The following FBXW7 variants were observed in gnomAD, a reference collection of about 807,000 sequenced individuals.
FBXW7 encodes F-box/WD repeat-containing protein 7.
A neutral mutation model predicts 86.3 loss-of-function variants in FBXW7; 11 were observed. That is an observed-to-expected ratio of 0.13 (90% CI 0.08 to 0.21). FBXW7 has a LOEUF of 0.21. Among genes scored for constraint, FBXW7 ranks in the 10% least tolerant of loss-of-function variants. The pLI, the probability that FBXW7 is intolerant of heterozygous loss-of-function variation, is 1.00. For missense variants in FBXW7, 488 were observed against 847.4 expected, an observed-to-expected ratio of 0.58 and a Z score of 5.27; for synonymous variants, 313 against 297.9, an observed-to-expected ratio of 1.05 and a Z score of -0.52.
intron 4 of FBXW7, among the ~76,000 whole-genome samples, chr4:152,364,200 G>C (rs1473646929): frequency 2.0e-5 from 3 of 152,146 alleles, no homozygotes; most frequent in African/African-American, 7.2e-5. Context: ...ATTGAGGCCA[G>C]GCAGTCATCA....
chr4:152,468,879 C>T lies in FBXW7; in HGVS notation c.-119-56350G>A, dbSNP rs1743691608. 3.3e-5 allele frequency among the ~76,000 whole-genome samples: 5 copies of T among 152,066 alleles called. No individual in the cohort carries two copies. In the South Asian group the frequency reaches 1.0e-3, roughly 32 times the overall value. On this transcript the variant is annotated intron_variant, in intron 2 of 13. Coordinates refer to ENST00000281708, the MANE Select transcript of FBXW7 (RefSeq NM_001349798.2). ...AATGACAATAAGTTACTCTTTTGTA[C>T]TTAATACAACTCCAGAAATCAGTTA... is the stretch of plus-strand genomic sequence containing the variant.
At position 152,462,400 on chromosome 4, in the gene FBXW7, C is replaced by A. The variant is rs548179590; in HGVS notation, c.-119-49871G>T. Reference sequence around the variant, plus strand: ...GGAGCAGATTCCGCTCTTGTTTCTGCCTGTTTTTACACTGGGTCCCCTGGG... The same window carrying A: ...GGAGCAGATTCCGCTCTTGTTTCTGACTGTTTTTACACTGGGTCCCCTGGG... On this transcript the variant is annotated intron_variant, in intron 2 of 13. Coordinates refer to ENST00000281708, the MANE Select transcript of FBXW7 (RefSeq NM_001349798.2). Among the ~76,000 whole-genome samples, 19 of 152,316 alleles carry A rather than the reference C, an allele frequency of 1.2e-4. No individual in the cohort carries two copies. In the East Asian group the frequency reaches 3.7e-3, roughly 29 times the overall value.
At chr4:152,424,850 T>TTATATGTAAATGATATGTACTC (rs1739241711) in intron 2 of FBXW7, among the ~76,000 whole-genome samples, 1 of 152,314 alleles carries the variant, frequency 6.6e-6, no homozygotes, top group South Asian at 2.1e-4. Flanking sequence ...CTAGGCAAAT[T>TTATATGTAAATGATATGTACTC]AAGACTTCTT....
intron 4 of FBXW7, among the ~76,000 whole-genome samples, chr4:152,408,298 T>C (rs1737611447): frequency 6.6e-6 from 1 of 152,190 alleles, no homozygotes; most frequent in South Asian, 2.1e-4. Flanking sequence ...ATAAAATATG[T>C]CAAAGATTCT....
intron 4 of FBXW7, among the ~76,000 whole-genome samples, chr4:152,362,567 T>C (rs975413049): frequency 6.6e-6 from 1 of 152,032 alleles, no homozygotes; most frequent in Non-Finnish European, 1.5e-5. Context: ...TCCCAGCACT[T>C]TGGGAGGCTG....
chr4:152,533,207 C>T (rs1279326581), intron 2 of FBXW7, among the ~76,000 whole-genome samples: 2 of 151,738 alleles, frequency 1.3e-5, no homozygotes, highest in East Asian at 1.9e-4. Flanking sequence ...AAAAAAATAC[C>T]GTAATTTTTA....
chr4:152,389,375 T>A (rs1735807600), intron 4 of FBXW7, among the ~76,000 whole-genome samples: 1 of 152,072 alleles, frequency 6.6e-6, no homozygotes, highest in Non-Finnish European at 1.5e-5. Flanking sequence ...TCAACTATGA[T>A]AACTAACCCA....
chr4:152,357,689 G>A (rs942315955), intron 4 of FBXW7, among the ~76,000 whole-genome samples: 9 of 152,242 alleles, frequency 5.9e-5, no homozygotes, highest in African/African-American at 2.2e-4. Flanking sequence ...TCTGATTAGT[G>A]TGACACACTA....
At chr4:152,383,463 GTTAA>G (rs1303383189) in intron 4 of FBXW7, among the ~76,000 whole-genome samples, 14 of 152,268 alleles carry the variant, frequency 9.2e-5, no homozygotes, top group African/African-American at 2.6e-4. Flanking sequence ...TTGTGCAAGT[GTTAA>G]TTAATCTTTA....
rs1728596497 is a variant in FBXW7, at chr4:152,322,038, G to C, written c.*843C>G. 1 of 232,338 alleles carries C rather than the reference G, an allele frequency of 4.3e-6. No individual in the cohort carries two copies. The highest frequency in any genetic ancestry group is 2.2e-5 in the African/African-American group (1 of 45,142). 14.4% of individuals were successfully genotyped at this position (232,338 alleles called of 1,614,324 possible). A position where few individuals can be genotyped will look rare whatever the true frequency, so the allele number is the denominator to read the frequency against. On this transcript the variant is annotated 3_prime_UTR_variant, in exon 14 of 14. Transcript: ENST00000281708. ...TTCAGTCTGGGACTAAAACGTCACA[G>C]CAGAAAAAAAATAAAAAAAAATAAT...
At chr4:152,365,176 C>T (rs556554038) in intron 4 of FBXW7, among the ~76,000 whole-genome samples, 1 of 152,154 alleles carries the variant, frequency 6.6e-6, no homozygotes, top group Admixed American at 6.6e-5. Context: ...GGGATAACCA[C>T]CTATAGCTAG....
chr4:152,374,890 G>C lies in FBXW7; in HGVS notation c.502-24766C>G, dbSNP rs182987898. On this transcript the variant is annotated intron_variant, in intron 4 of 13. Transcript: ENST00000281708. ...TACCAAATAGACTAGTTACAGGAGG[G>C]GGGGGGATGATGCTGGCTTTTAAAA... Among the ~76,000 whole-genome samples, 358 of 152,102 alleles carry C rather than the reference G, an allele frequency of 2.4e-3. 3 individuals carry two copies. The highest frequency in any genetic ancestry group is 2.3e-3 in the East Asian group (12 of 5,174).
intron 10 of FBXW7, chr4:152,328,623 C>T: frequency 3.1e-6 from 1 of 318,468 alleles, no homozygotes; most frequent in Non-Finnish European, 5.7e-6. Flanking sequence ...AGAAAGCAAA[C>T]ATATGATATA....
chr4:152,473,629 C>T (rs1744150310), intron 2 of FBXW7, among the ~76,000 whole-genome samples: 1 of 152,114 alleles, frequency 6.6e-6, no homozygotes, highest in Non-Finnish European at 1.5e-5. Flanking sequence ...TACAGGTGTG[C>T]ACCACCACGC....
chr4:152,494,213 A>G (rs937645352), intron 2 of FBXW7, among the ~76,000 whole-genome samples: 1 of 152,226 alleles, frequency 6.6e-6, no homozygotes, highest in Non-Finnish European at 1.5e-5. Flanking sequence ...AGAAAGCAAG[A>G]CTACCTCTAT....
chr4:152,430,210 T>G (rs1178354321), intron 2 of FBXW7, among the ~76,000 whole-genome samples: 3 of 152,176 alleles, frequency 2.0e-5, no homozygotes, highest in Non-Finnish European at 4.4e-5. Flanking sequence ...CCTGAAGCAG[T>G]CCTCATTGTA....
chr4:152,509,181 G>A (rs1347566752), intron 2 of FBXW7, among the ~76,000 whole-genome samples: 1 of 152,194 alleles, frequency 6.6e-6, no homozygotes, highest in East Asian at 1.9e-4. Context: ...CTGGACCAGA[G>A]AAAGGCCATT....
At chr4:152,490,379 T>G (rs777586817) in intron 2 of FBXW7, among the ~76,000 whole-genome samples, 13 of 152,048 alleles carry the variant, frequency 8.5e-5, no homozygotes, top group South Asian at 2.1e-4. Context: ...GAGGAAAAAT[T>G]TGTTACTTAT....
At chr4:152,392,921 T>C (rs1200767020) in intron 4 of FBXW7, among the ~76,000 whole-genome samples, 1 of 152,192 alleles carries the variant, frequency 6.6e-6, no homozygotes, top group African/African-American at 2.4e-5. Context: ...TTACTTTGGC[T>C]TGAATTTACA....
Sources: gnomAD v4.1 joint callset for allele counts (sites outside exome capture counted in the v4.1 genomes callset) on GRCh38, gnomAD v4.1.1 for gene constraint, MANE v1.5 for transcripts, NCBI Gene and HGNC (gene_info 2026-07-23, HGNC 2026-07-21) for gene names.